Variants in KCND2 observed in about 807,000 individuals in gnomAD.
KCND2 encodes the protein potassium voltage-gated channel subfamily D member 2, also known as A-type voltage-gated potassium channel KCND2.
KCND2 carries 16 observed loss-of-function variants against 54.4 expected under a neutral mutation model. That is an observed-to-expected ratio of 0.29 (90% confidence interval 0.20 to 0.45). The LOEUF (loss-of-function observed/expected upper bound fraction) is 0.45. KCND2 is among the 20% of genes least tolerant of loss of function. The pLI is 1.00. For missense variants in KCND2, 486 were observed against 824.2 expected (o/e 0.59, Z 5.02); for synonymous variants, 317 against 310.7 (o/e 1.02, Z -0.21).
chr7:120,347,668 A>G (rs1045025579), intron 1 of KCND2, among the ~76,000 whole-genome samples: 1 of 151,814 alleles, frequency 6.6e-6, no homozygotes, highest in African/African-American at 2.4e-5. Context: ...GAGGCAGGAG[A>G]ATTGGTTGAA....
chr7:120,647,919 GA>G, intron 1 of KCND2, among the ~76,000 whole-genome samples: 1 of 152,146 alleles, frequency 6.6e-6, no homozygotes. Context: ...TATAGATATA[GA>G]TATTTATCTT....
chr7:120,443,711 G>A (rs1421580777), intron 1 of KCND2, among the ~76,000 whole-genome samples: 3 of 151,092 alleles, frequency 2.0e-5, no homozygotes, highest in African/African-American at 7.3e-5. Context: ...GGCATTTGAT[G>A]TCCAATACCT....
intron 1 of KCND2, among the ~76,000 whole-genome samples, chr7:120,418,165 G>T (rs191730360): frequency 1.7e-4 from 26 of 152,226 alleles, no homozygotes; most frequent in African/African-American, 6.0e-4. Flanking sequence ...CCTATTAAGA[G>T]AGTAGAAGCT....
At chr7:120,464,161 GT>G in intron 1 of KCND2, 4 of 795,348 alleles carry the variant, frequency 5.0e-6, no homozygotes, top group Non-Finnish European at 6.1e-6. Context: ...TATTGTCAGG[GT>G]TTTTGCCTCT....
At chr7:120,462,124 C>T (rs573502951) in intron 1 of KCND2, among the ~76,000 whole-genome samples, 1 of 151,630 alleles carries the variant, frequency 6.6e-6, no homozygotes, top group African/African-American at 2.4e-5. Flanking sequence ...TTGTATCTCT[C>T]TACAAATGAT....
Position 120,378,682 on chromosome 7 carries a change from C to G in KCND2, c.1115+102935C>G, listed in dbSNP as rs184353235. On this transcript the variant is annotated intron_variant, in intron 1 of 5. Transcript: ENST00000331113. ...TACTGGATTGCCTTGTCATATAAAT[C>G]TTTAGGGATGATTTCGGCTTTCAAC... Among the ~76,000 whole-genome samples, 219 of 152,054 alleles carry G rather than the reference C, an allele frequency of 1.4e-3. 1 individual carries two copies. The highest frequency in any genetic ancestry group is 5.2e-3 in the African/African-American group (216 of 41,530).
intron 1 of KCND2, among the ~76,000 whole-genome samples, chr7:120,329,120 C>CTTT (rs542875258): frequency 2.3e-5 from 3 of 132,502 alleles, no homozygotes; most frequent in African/African-American, 5.5e-5. Flanking sequence ...CTAGCTTAGT[C>CTTT]TTTTTTTTTT....
At chr7:120,503,860 G>T (rs1562857451) in intron 1 of KCND2, among the ~76,000 whole-genome samples, 3 of 151,856 alleles carry the variant, frequency 2.0e-5, no homozygotes, top group African/African-American at 7.3e-5. Flanking sequence ...AAGGCCTTTG[G>T]AAGGGACCCT....
At chr7:120,346,125 G>A (rs1310536104) in intron 1 of KCND2, among the ~76,000 whole-genome samples, 1 of 151,968 alleles carries the variant, frequency 6.6e-6, no homozygotes, top group African/African-American at 2.4e-5. Flanking sequence ...ATGCTTCTTG[G>A]CCATTTGTAT....
chr7:120,548,598 G>T (rs1359602556), intron 1 of KCND2, among the ~76,000 whole-genome samples: 1 of 152,030 alleles, frequency 6.6e-6, no homozygotes. Flanking sequence ...TGCAAAAAGA[G>T]GATTCCACGA....
At chr7:120,464,144 C>A (rs1202563667) in intron 1 of KCND2, 2 of 879,270 alleles carry the variant, frequency 2.3e-6, no homozygotes, top group Non-Finnish European at 2.7e-6. Flanking sequence ...ACTGCTATAT[C>A]AAATTGTATT....
chr7:120,357,056 G>A (rs185263515), intron 1 of KCND2, among the ~76,000 whole-genome samples: 202 of 152,040 alleles, frequency 1.3e-3, no homozygotes, highest in Middle Eastern at 6.8e-3. Flanking sequence ...TATTTCATGA[G>A]CTCCTTCAGA....
At chr7:120,675,016 TA>T (rs199846681) in intron 1 of KCND2, among the ~76,000 whole-genome samples, 50,139 of 145,672 alleles carry the variant, frequency 0.34, 8,959 homozygotes, top group African/African-American at 0.47. Flanking sequence ...CAACAGAAGT[TA>T]AAAAAAAAAA....
chr7:120,424,173 A>C (rs145986526), intron 1 of KCND2, among the ~76,000 whole-genome samples: 1 of 152,200 alleles, frequency 6.6e-6, no homozygotes, highest in African/African-American at 2.4e-5. Context: ...CTTGAATATA[A>C]GGGTAGTGGT....
At chr7:120,382,315 A>G (rs958450586) in intron 1 of KCND2, among the ~76,000 whole-genome samples, 11 of 151,898 alleles carry the variant, frequency 7.2e-5, no homozygotes, top group Admixed American at 3.3e-4. Flanking sequence ...AAAATTTTAT[A>G]GGGCATAGAT....
Position 120,291,100 on chromosome 7 carries a change from A to C in KCND2, c.1115+15353A>C, listed in dbSNP as rs967893062. Among the ~76,000 whole-genome samples the C allele has an allele frequency of 9.2e-5, 14 of 151,988 alleles. 1 individual carries two copies. Among genetic ancestry groups the C allele is most frequent in the Non-Finnish European group, 2.9e-5 (2 of 67,926 alleles). ...TTGTGGCACAAGTAATCCATTTATA[A>C]ATTATATTTGCTCATGTATTTGTAT... On this transcript the variant is annotated intron_variant, in intron 1 of 5. Transcript: ENST00000331113.
intron 1 of KCND2, among the ~76,000 whole-genome samples, chr7:120,723,420 G>GTT (rs1401411490): frequency 6.6e-6 from 1 of 152,186 alleles, no homozygotes; most frequent in African/African-American, 2.4e-5. Context: ...TAGCATCCAA[G>GTT]AGAAGAATAG....
At chr7:120,505,989 T>G (rs1305766814) in intron 1 of KCND2, among the ~76,000 whole-genome samples, 1 of 151,780 alleles carries the variant, frequency 6.6e-6, no homozygotes, top group Non-Finnish European at 1.5e-5. Flanking sequence ...TTTGTATTAA[T>G]AAAACAATTT....
chr7:120,274,676 C>G lies in KCND2; in HGVS notation c.44C>G (p.Ala15Gly), dbSNP rs972799571. The change falls in exon 1 of 6, where the codon GCG (alanine) becomes GGG (glycine). Residue 15 changes from alanine to glycine, a missense_variant. By Grantham distance (60) the Ala-to-Gly change is moderately conservative. Coordinates refer to ENST00000331113, the MANE Select transcript of KCND2 (RefSeq NM_012281.3). ...GCGTGGCTGCCTTTTGCAAGGGCAG[C>G]GGCTATCGGGTGGATGCCTGTGGCC... ...VAAWLPFARA[A>G]AIGWMPVASG... The G allele has an allele frequency of 1.9e-6, 3 of 1,614,000 alleles. No homozygotes were observed. The highest frequency in any genetic ancestry group is 1.1e-5 in the South Asian group (1 of 91,078).
Sources: allele counts gnomAD v4.1 joint callset (sites outside exome capture counted in the v4.1 genomes callset), GRCh38; gene constraint gnomAD v4.1.1; transcripts MANE v1.5; gene names NCBI Gene and HGNC (gene_info 2026-07-23, HGNC 2026-07-21).